Variants in HDAC4 observed in about 807,000 individuals in gnomAD.
HDAC4 encodes histone deacetylase 4.
In HDAC4, 16 loss-of-function variants were observed where a neutral mutation model predicts 135.1. The ratio of observed to expected loss-of-function variants is 0.12; its 90% confidence interval spans 0.08 to 0.18. The LOEUF (loss-of-function observed/expected upper bound fraction) is 0.18. Among genes scored for constraint, HDAC4 ranks in the 10% least tolerant of loss-of-function variants. The pLI, the probability that HDAC4 is intolerant of heterozygous loss-of-function variation, is 1.00. For missense variants in HDAC4, 1,143 were observed against 1,511.8 expected (o/e 0.76, Z 4.05); for synonymous variants, 685 against 653.4 (o/e 1.05, Z -0.74).
At chr2:239,062,944 G>A (rs903857117) in intron 24 of HDAC4, among the ~76,000 whole-genome samples, 9 of 152,166 alleles carry the variant, frequency 5.9e-5, no homozygotes, top group East Asian at 1.9e-4. Flanking sequence ...AGGCCCCTGC[G>A]ATGGCCCAGG....
intron 17 of HDAC4, chr2:239,094,790 C>T: frequency 1.4e-6 from 2 of 1,413,160 alleles, no homozygotes; most frequent in Non-Finnish European, 1.9e-6. Context: ...AGAGCCCCAG[C>T]CACCTGCGCC....
chr2:239,237,172 G>A (rs947648275), intron 2 of HDAC4, among the ~76,000 whole-genome samples: 2 of 152,136 alleles, frequency 1.3e-5, no homozygotes, highest in Non-Finnish European at 2.9e-5. Flanking sequence ...TTCACCAGGT[G>A]TTCTCAAGGT....
chr2:239,089,745 A>T lies in HDAC4; in HGVS notation c.2388+264T>A, dbSNP rs565647664. Reference sequence around the variant, plus strand: ...CTTTGGAGCTTTTTTTTTTTTTTTAAGAGTATAAATTTTTAAGAGTATAAA... The same window carrying T: ...CTTTGGAGCTTTTTTTTTTTTTTTATGAGTATAAATTTTTAAGAGTATAAA... On this transcript the variant is annotated intron_variant, in intron 18 of 26. Transcript: ENST00000543185. 38,531 of 314,864 alleles carry T rather than the reference A, an allele frequency of 0.12. 3,274 individuals are homozygous for T. The highest frequency in any genetic ancestry group is 0.16 in the South Asian group (2,776 of 17,142). The allele number at this position is 314,864 out of a possible 1,614,324, so 19.5% of individuals were successfully genotyped here.
intron 2 of HDAC4, among the ~76,000 whole-genome samples, chr2:239,242,614 G>A (rs887941046): frequency 2.0e-5 from 3 of 152,150 alleles, no homozygotes; most frequent in African/African-American, 4.8e-5. Context: ...CCACCTTCCA[G>A]ACCTCACACC....
intron 2 of HDAC4, among the ~76,000 whole-genome samples, chr2:239,272,560 C>G (rs2050114447): frequency 6.6e-6 from 1 of 152,254 alleles, no homozygotes; most frequent in African/African-American, 2.4e-5. Flanking sequence ...GAAAAGATGA[C>G]TGTCATCACT....
intron 2 of HDAC4, among the ~76,000 whole-genome samples, chr2:239,334,735 T>C (rs1222592116): frequency 1.3e-5 from 2 of 151,444 alleles, no homozygotes; most frequent in African/African-American, 4.9e-5. Flanking sequence ...TTAAAATTCA[T>C]ATGGAGGCCG....
rs574191572 is a variant in HDAC4, at chr2:239,124,405, C to T, written c.1533+2051G>A. Reference sequence around the variant, plus strand: ...TATGTGCATGAAATCATACCACACGCGGCCTCTCGTGCCTGGCATCCTGCT... The same window carrying T: ...TATGTGCATGAAATCATACCACACGTGGCCTCTCGTGCCTGGCATCCTGCT... On this transcript the variant is annotated intron_variant, in intron 12 of 26. Coordinates refer to ENST00000543185, the MANE Select transcript of HDAC4 (RefSeq NM_001378414.1). Among the ~76,000 whole-genome samples, 230 of 152,366 alleles carry T rather than the reference C, an allele frequency of 1.5e-3. 2 individuals carry two copies. The highest frequency in any genetic ancestry group is 5.3e-3 in the African/African-American group (219 of 41,588).
At chr2:239,252,529 A>G (rs1011270933) in intron 2 of HDAC4, among the ~76,000 whole-genome samples, 3 of 152,216 alleles carry the variant, frequency 2.0e-5, no homozygotes, top group Admixed American at 1.3e-4. Context: ...AAAGTTAAAG[A>G]GAAAAATCAA....
chr2:239,385,322 A>G (rs1268222370), intron 1 of HDAC4, among the ~76,000 whole-genome samples: 1 of 152,256 alleles, frequency 6.6e-6, no homozygotes, highest in Non-Finnish European at 1.5e-5. Context: ...TGCTCTCAGC[A>G]GGAGGAAGCA....
At chr2:239,261,910 G>C (rs987593043) in intron 2 of HDAC4, among the ~76,000 whole-genome samples, 1 of 152,222 alleles carries the variant, frequency 6.6e-6, no homozygotes, top group Admixed American at 6.5e-5. Context: ...TGAGAGTCTC[G>C]AAAAGCCTAT....
At chr2:239,207,592 G>A (rs1166476044) in intron 3 of HDAC4, among the ~76,000 whole-genome samples, 1 of 151,996 alleles carries the variant, frequency 6.6e-6, no homozygotes, top group Non-Finnish European at 1.5e-5. Context: ...AAATACAAAG[G>A]AACAACTTGA....
chr2:239,306,890 C>G lies in HDAC4; in HGVS notation c.22+45788G>C, dbSNP rs1018332611. Among the ~76,000 whole-genome samples the G allele has an allele frequency of 5.9e-5, 9 of 152,084 alleles. No individual in the cohort carries two copies. Among genetic ancestry groups the G allele is most frequent in the African/African-American group, 2.2e-4 (9 of 41,514 alleles). ...AGCTGCAGGGATGCATGGGGGCGTTCAGGAATGTCCAAGGAGGGCCTGAGC... is the reference window on the plus strand; with the variant it reads ...AGCTGCAGGGATGCATGGGGGCGTTGAGGAATGTCCAAGGAGGGCCTGAGC... On this transcript the variant is annotated intron_variant, in intron 2 of 26. Coordinates refer to ENST00000543185, the MANE Select transcript of HDAC4 (RefSeq NM_001378414.1). The surrounding 1 kb of genome is among the most constrained non-coding windows in gnomAD (Gnocchi z 4.5).
chr2:239,202,335 G>A (rs2045805184), intron 3 of HDAC4, among the ~76,000 whole-genome samples: 1 of 152,204 alleles, frequency 6.6e-6, no homozygotes, highest in Non-Finnish European at 1.5e-5. Context: ...AGAAAGACCT[G>A]GTCTCTCCAA....
At chr2:239,379,903 G>A (rs1290980203) in intron 1 of HDAC4, among the ~76,000 whole-genome samples, 1 of 152,220 alleles carries the variant, frequency 6.6e-6, no homozygotes, top group Non-Finnish European at 1.5e-5. Context: ...CAGTGGGATA[G>A]GGAGACAGTG....
intron 3 of HDAC4, among the ~76,000 whole-genome samples, chr2:239,215,243 C>CG (rs1457773410): frequency 6.6e-6 from 1 of 152,090 alleles, no homozygotes; most frequent in Admixed American, 6.5e-5. Flanking sequence ...GTGGCCGGGG[C>CG]GGGGGAAGGT....
intron 2 of HDAC4, among the ~76,000 whole-genome samples, chr2:239,314,368 G>A (rs2053028576): frequency 6.6e-6 from 1 of 152,164 alleles, no homozygotes; most frequent in Non-Finnish European, 1.5e-5. Context: ...GGTCAGGCTG[G>A]AGCTAGAGGC....
rs1162522828 is a variant in HDAC4, at chr2:239,050,730, C to T, written c.*2367G>A. 1.3e-5 allele frequency: 2 copies of T among 152,642 alleles called. No individual in the cohort carries two copies. Among genetic ancestry groups the T allele is most frequent in the Non-Finnish European group, 2.9e-5 (2 of 68,054 alleles). 9.5% of individuals were successfully genotyped at this position (152,642 alleles called of 1,614,324 possible). On this transcript the variant is annotated 3_prime_UTR_variant, in exon 27 of 27. Transcript: ENST00000543185. The stretch of plus-strand genomic sequence containing the variant: ...GAGCACGGTGTGTCTGAACTTCTGC[C>T]CCCAAGTCTGAACCCAATATACACT...
chr2:239,184,109 A>T (rs967060122), intron 4 of HDAC4, among the ~76,000 whole-genome samples: 2 of 151,310 alleles, frequency 1.3e-5, no homozygotes, highest in Non-Finnish European at 1.5e-5. Flanking sequence ...CATGCCACTA[A>T]AACAGTGTGT....
chr2:239,137,004 A>G (rs1300575259), intron 9 of HDAC4, among the ~76,000 whole-genome samples: 6 of 151,958 alleles, frequency 3.9e-5, no homozygotes, highest in Non-Finnish European at 7.3e-5. Flanking sequence ...TTAAAGAATT[A>G]TCAGTAAGTT....
Sources: allele counts gnomAD v4.1 joint callset (sites outside exome capture counted in the v4.1 genomes callset), GRCh38; gene constraint gnomAD v4.1.1; non-coding constraint Gnocchi (gnomAD v3.1); transcripts MANE v1.5; gene names NCBI Gene and HGNC (gene_info 2026-07-23, HGNC 2026-07-21).